The following ALK variants were observed in gnomAD, a reference collection of about 807,000 sequenced individuals.
ALK encodes the protein ALK tyrosine kinase receptor.
A neutral mutation model predicts 163.1 loss-of-function variants in ALK; 74 were observed. The ratio of observed to expected loss-of-function variants is 0.45; its 90% CI spans 0.38 to 0.55. The LOEUF is 0.55. Among genes scored for constraint, ALK ranks in the 20% least tolerant of loss-of-function variants. The pLI, the probability that ALK is intolerant of heterozygous loss-of-function variation, is 0.00. For missense variants in ALK, 2,063 were observed against 2,105.3 expected (o/e 0.98, Z 0.39); for synonymous variants, 960 against 843.2 (o/e 1.14, Z -2.40).
intron 3 of ALK, among the ~76,000 whole-genome samples, chr2:29,631,626 A>G (rs1676378209): frequency 6.6e-6 from 1 of 152,228 alleles, no homozygotes; most frequent in Non-Finnish European, 1.5e-5. Flanking sequence ...AAAACTGAAA[A>G]AACAGTACCT....
chr2:29,812,564 C>T (rs565606628), intron 1 of ALK, among the ~76,000 whole-genome samples: 1 of 152,260 alleles, frequency 6.6e-6, no homozygotes, highest in African/African-American at 2.4e-5. Flanking sequence ...AAATTCCCTT[C>T]CTGTTTTTAA....
intron 1 of ALK, among the ~76,000 whole-genome samples, chr2:29,795,695 TATC>T (rs1448868161): frequency 1.3e-5 from 2 of 152,098 alleles, no homozygotes; most frequent in African/African-American, 4.8e-5. Flanking sequence ...TAAATGAAAA[TATC>T]ATCTTAAAAA....
intron 1 of ALK, among the ~76,000 whole-genome samples, chr2:29,732,688 C>T (rs1461559908): frequency 1.3e-5 from 2 of 152,102 alleles, no homozygotes; most frequent in Non-Finnish European, 1.5e-5. Context: ...GCAGAGCTCT[C>T]ATAAATGGGA....
At chr2:29,706,041 C>T (rs966258788) in intron 2 of ALK, among the ~76,000 whole-genome samples, 4 of 152,194 alleles carry the variant, frequency 2.6e-5, no homozygotes, top group Admixed American at 6.5e-5. Context: ...AGACCTCCAG[C>T]GAGATGATCT....
chr2:29,792,618 A>G (rs1170927993), intron 1 of ALK, among the ~76,000 whole-genome samples: 1 of 152,214 alleles, frequency 6.6e-6, no homozygotes, highest in Non-Finnish European at 1.5e-5. Flanking sequence ...AAATGTGACC[A>G]TTTGAAATGC....
rs780284256 is a variant in ALK at position 29,227,588 on chromosome 2, G to T, written c.2900C>A (p.Thr967Asn). The stretch of plus-strand genomic sequence containing the variant: ...AGAGAAGCTACCTTTTAAAGCTGGG[G>T]TGTACAGGATGCCCAGTGGACTGAT... The part of the protein sequence containing the change: ...SFISPLGILY[T>N]PALKVMEGHG... The change falls in exon 17 of 29, where the codon ACC becomes AAC. Residue 967 changes from threonine (T) to asparagine (N), a missense_variant. By Grantham distance (65) the Thr-to-Asn change is moderately conservative (BLOSUM62 0). Transcript: ENST00000389048. The surrounding 1 kb of genome is among the most constrained non-coding windows in gnomAD (Gnocchi z 4.4). 3.5e-5 allele frequency: 57 copies of T among 1,613,884 alleles called. No homozygotes were observed. Among genetic ancestry groups the T allele is most frequent in the Non-Finnish European group, 4.7e-5 (56 of 1,179,800 alleles).
chr2:29,540,752 T>G (rs1260061086), intron 3 of ALK, among the ~76,000 whole-genome samples: 1 of 152,186 alleles, frequency 6.6e-6, no homozygotes, highest in East Asian at 1.9e-4. Context: ...TCAAATTTTC[T>G]TCCATTTTTC....
intron 3 of ALK, among the ~76,000 whole-genome samples, chr2:29,601,571 C>T (rs940222753): frequency 6.6e-6 from 1 of 152,030 alleles, no homozygotes; most frequent in Non-Finnish European, 1.5e-5. Flanking sequence ...TGGATTTTTT[C>T]TTCAGTGTCA....
chr2:29,366,191 A>G (rs570782479), intron 5 of ALK, among the ~76,000 whole-genome samples: 3 of 152,272 alleles, frequency 2.0e-5, no homozygotes, highest in African/African-American at 7.2e-5. Flanking sequence ...AAAGTCACAG[A>G]GTGAGGCAGA....
chr2:29,475,037 T>C lies in ALK; in HGVS notation c.1154+56878A>G, dbSNP rs542666835. 1.5e-3 allele frequency among the ~76,000 whole-genome samples: 221 copies of C among 152,270 alleles called. 1 individual carries two copies. The highest frequency in any genetic ancestry group is 1.7e-3 in the Non-Finnish European group (117 of 68,008). On this transcript the variant is annotated intron_variant, in intron 4 of 28. Transcript: ENST00000389048. ...AACCGCCAGGCTCCTGTGTACCCCC[T>C]GCTCCTGCATTCCTTCTTCTTATCT...
intron 6 of ALK, among the ~76,000 whole-genome samples, chr2:29,322,449 C>T (rs1464067833): frequency 2.0e-5 from 3 of 151,984 alleles, no homozygotes; most frequent in Non-Finnish European, 2.9e-5. Context: ...TTTTTATTTC[C>T]CCCTCAAGGG....
chr2:29,626,851 T>C (rs1676207443), intron 3 of ALK, among the ~76,000 whole-genome samples: 1 of 152,194 alleles, frequency 6.6e-6, no homozygotes, highest in African/African-American at 2.4e-5. Context: ...CTTTCTCCAC[T>C]CTAGCTAGAT....
chr2:29,787,530 A>C (rs930281460), intron 1 of ALK, among the ~76,000 whole-genome samples: 1 of 152,248 alleles, frequency 6.6e-6, no homozygotes, highest in African/African-American at 2.4e-5. Context: ...GCTCACAGCA[A>C]TATGACAAGC....
At chr2:29,895,084 T>C (rs917027153) in intron 1 of ALK, among the ~76,000 whole-genome samples, 5 of 152,254 alleles carry the variant, frequency 3.3e-5, no homozygotes, top group Non-Finnish European at 7.3e-5. Context: ...TTATCCATAA[T>C]GTGTTTTTGA....
rs1353144339 is a variant in ALK, at chr2:29,197,565, T to A, written c.4050A>T (p.Pro1350=). 6.2e-7 allele frequency: 1 copy of A among 1,613,500 alleles called. No individual in the cohort carries two copies. The highest frequency in any genetic ancestry group is 2.2e-5 in the East Asian group (1 of 44,890). The part of the protein sequence containing the change: ...EFVTSGGRMD[P]PKNCPGPVYR... ...ACACAGGCCCAGGGCAGTTCTTGGG[T>A]GGGTCCATCCGGCCTCCACTGGTGA... Residue 1350 remains proline (P), a synonymous_variant, in exon 27 of 29, where the codon CCA becomes CCT. Coordinates refer to ENST00000389048, the MANE Select transcript of ALK (RefSeq NM_004304.5).
intron 3 of ALK, among the ~76,000 whole-genome samples, chr2:29,578,144 T>C (rs1447030728): frequency 6.6e-6 from 1 of 152,170 alleles, no homozygotes. Context: ...GCTGTTCTCA[T>C]GATAGTGAAT....
At chr2:29,879,181 C>T (rs919361578) in intron 1 of ALK, among the ~76,000 whole-genome samples, 4 of 152,142 alleles carry the variant, frequency 2.6e-5, no homozygotes, top group African/African-American at 4.8e-5. Flanking sequence ...CCAGGACACA[C>T]GATCCTGACC....
chr2:29,371,867 C>A (rs1358960574), intron 5 of ALK, among the ~76,000 whole-genome samples: 3 of 152,130 alleles, frequency 2.0e-5, no homozygotes, highest in Non-Finnish European at 4.4e-5. Context: ...GTTCCTCTGT[C>A]CACCCTGGAG....
intron 3 of ALK, among the ~76,000 whole-genome samples, chr2:29,565,932 T>G (rs997353695): frequency 1.3e-5 from 2 of 152,208 alleles, no homozygotes; most frequent in Non-Finnish European, 2.9e-5. Context: ...GTGAGGGGAC[T>G]GCTATTAGCA....
Sources: gnomAD v4.1 joint callset for allele counts (sites outside exome capture counted in the v4.1 genomes callset) on GRCh38, gnomAD v4.1.1 for gene constraint, Gnocchi (gnomAD v3.1) non-coding constraint, MANE v1.5 for transcripts, NCBI Gene and HGNC (gene_info 2026-07-23, HGNC 2026-07-21) for gene names.